RYR2: variants seen among roughly 807,000 people sequenced by gnomAD.
RYR2 encodes the protein cardiac muscle ryanodine receptor-calcium release channel.
RYR2 carries 227 observed loss-of-function variants against 601.1 expected under a neutral mutation model. The ratio of observed to expected loss-of-function variants is 0.38; its 90% CI spans 0.34 to 0.42. RYR2 has a LOEUF of 0.42. Ranked by LOEUF, RYR2 falls within the 10% of genes least tolerant of loss-of-function variation. The pLI, the probability that RYR2 is intolerant of heterozygous loss-of-function variation, is 1.00. For missense variants in RYR2, 4,646 were observed against 6,156.5 expected, an observed-to-expected ratio of 0.75 and a Z score of 8.21; for synonymous variants, 2,223 against 2,175.1, an observed-to-expected ratio of 1.02 and a Z score of -0.61.
chr1:237,157,924 G>T lies in RYR2; in HGVS notation c.49-112573G>T, dbSNP rs539825061. ...ATGCAAAGACATGATAAATGTTTGA[G>T]ATAATGTACATCCCAACTACCCTGA... On this transcript the variant is annotated intron_variant, in intron 1 of 104. Transcript: ENST00000366574. Among the ~76,000 whole-genome samples the T allele has an allele frequency of 1.2e-4, 18 of 152,258 alleles. No homozygotes were observed. In the South Asian group the frequency reaches 2.3e-3, roughly 19 times the overall value.
chr1:237,463,021 T>G (rs1164103865), intron 16 of RYR2, among the ~76,000 whole-genome samples: 1 of 152,178 alleles, frequency 6.6e-6, no homozygotes, highest in African/African-American at 2.4e-5. Flanking sequence ...CTCCAAGAAG[T>G]TTCAATGCAT....
chr1:237,551,302 G>C (rs1471934871), intron 27 of RYR2, among the ~76,000 whole-genome samples: 1 of 152,104 alleles, frequency 6.6e-6, no homozygotes, highest in Admixed American at 6.6e-5. Context: ...GGCTGAGGCA[G>C]GCGGATCACA....
intron 63 of RYR2, among the ~76,000 whole-genome samples, chr1:237,689,146 T>C (rs1401431990): frequency 6.6e-6 from 1 of 152,150 alleles, no homozygotes; most frequent in East Asian, 1.9e-4. Flanking sequence ...TGCACACCTA[T>C]AGTCTTAGCT....
intron 1 of RYR2, among the ~76,000 whole-genome samples, chr1:237,072,057 G>A (rs1558183601): frequency 6.6e-6 from 1 of 152,180 alleles, no homozygotes. Flanking sequence ...GGTGTCCTGG[G>A]CCCCCAAGAG....
At chr1:237,503,997 T>C (rs774413363) in intron 22 of RYR2, among the ~76,000 whole-genome samples, 63 of 152,364 alleles carry the variant, frequency 4.1e-4, no homozygotes, top group Non-Finnish European at 8.5e-4. Context: ...CATTAGCCAC[T>C]GTGCCTGGCC....
chr1:237,654,659 C>T (rs1262177583), intron 52 of RYR2, among the ~76,000 whole-genome samples: 2 of 152,160 alleles, frequency 1.3e-5, no homozygotes, highest in African/African-American at 2.4e-5. Context: ...CTAAGCAGTT[C>T]AGGAAATTAT....
At chr1:237,591,641 C>T (rs1461544097) in intron 31 of RYR2, 98 bp from the exon 32 acceptor site, 9 of 967,014 alleles carry the variant, frequency 9.3e-6, no homozygotes, top group Admixed American at 4.1e-5. Context: ...GGAGCAAAAT[C>T]GCCCAGGTTT....
chr1:237,126,571 C>T (rs1558281097), intron 1 of RYR2, among the ~76,000 whole-genome samples: 1 of 152,100 alleles, frequency 6.6e-6, no homozygotes, highest in Non-Finnish European at 1.5e-5. Flanking sequence ...TCCTTCCTTC[C>T]CTCTTTCTTC....
chr1:237,100,802 T>G lies in RYR2; in HGVS notation c.48+58233T>G, dbSNP rs565909554. 2.0e-5 allele frequency among the ~76,000 whole-genome samples: 3 copies of G among 152,284 alleles called. No individual in the cohort carries two copies. In the East Asian group the frequency reaches 5.8e-4, roughly 29 times the overall value. ...GAGTCAGTCCCCAATTCTGATGTTTTTATACGCAACACTAGGGGTCCTTCT... is the reference window on the plus strand; with the variant it reads ...GAGTCAGTCCCCAATTCTGATGTTTGTATACGCAACACTAGGGGTCCTTCT... On this transcript the variant is annotated intron_variant, in intron 1 of 104. Coordinates refer to ENST00000366574, the MANE Select transcript of RYR2 (RefSeq NM_001035.3).
Position 237,508,782 on chromosome 1 carries a change from G to A in RYR2, c.2718+1968G>A, listed in dbSNP as rs371650114. On this transcript the variant is annotated intron_variant, in intron 23 of 104. Transcript: ENST00000366574. The stretch of plus-strand genomic sequence containing the variant: ...TTTTGAGACGGAGTCTTGCTCTGTC[G>A]CCCAGGCTGGAGTGCAGTGGCGGGA... Among the ~76,000 whole-genome samples, 189 of 110,644 alleles carry A rather than the reference G, an allele frequency of 1.7e-3. 4 individuals are homozygous for A. In the East Asian group the frequency reaches 0.037, roughly 22 times the overall value. 72.6% of individuals were successfully genotyped at this position (110,644 alleles called of 152,430 possible).
chr1:237,396,052 G>A (rs953095288), intron 10 of RYR2, among the ~76,000 whole-genome samples: 1 of 152,206 alleles, frequency 6.6e-6, no homozygotes, highest in East Asian at 1.9e-4. Context: ...GAAAGAAACG[G>A]AGAAAAAATA....
At chr1:237,503,613 G>T in intron 22 of RYR2, 108 bp downstream of exon 22, 3 of 975,658 alleles carry the variant, frequency 3.1e-6, no homozygotes, top group Non-Finnish European at 4.7e-6. Context: ...CAGTAATACA[G>T]TTGTACAGTT....
intron 9 of RYR2, among the ~76,000 whole-genome samples, chr1:237,387,644 A>T (rs554306205): frequency 1.3e-5 from 2 of 152,112 alleles, no homozygotes; most frequent in South Asian, 4.1e-4. Context: ...CTTCCTATGG[A>T]TTGTTTTCTT....
chr1:237,712,043 A>G (rs1178738696), intron 71 of RYR2, among the ~76,000 whole-genome samples: 3 of 152,138 alleles, frequency 2.0e-5, no homozygotes, highest in Non-Finnish European at 4.4e-5. Flanking sequence ...ACGGGAAATG[A>G]CTGTCATGAA....
chr1:237,359,160 C>A (rs1699559874), intron 4 of RYR2, among the ~76,000 whole-genome samples: 1 of 152,148 alleles, frequency 6.6e-6, no homozygotes, highest in South Asian at 2.1e-4. Flanking sequence ...AGCTTAGCCT[C>A]CCTTAAACGG....
At chr1:237,783,601 C>G in intron 89 of RYR2, 74 bp from the exon 90 acceptor site, 3 of 858,172 alleles carry the variant, frequency 3.5e-6, no homozygotes, top group Non-Finnish European at 5.4e-6. Context: ...TATTAAAGAT[C>G]TACATTGTTA....
chr1:237,129,401 A>G (rs926485087), intron 1 of RYR2, among the ~76,000 whole-genome samples: 1 of 152,202 alleles, frequency 6.6e-6, no homozygotes, highest in Admixed American at 6.5e-5. Flanking sequence ...ATGATGAAGA[A>G]TTACTGTCCA....
At chr1:237,776,572 A>G (rs1179456351) in intron 87 of RYR2, among the ~76,000 whole-genome samples, 1 of 152,112 alleles carries the variant, frequency 6.6e-6, no homozygotes, top group Admixed American at 6.6e-5. Context: ...AAGAACTCCC[A>G]TCTGGATGTT....
chr1:237,363,341 G>T (rs575560070), intron 4 of RYR2, among the ~76,000 whole-genome samples: 1 of 151,970 alleles, frequency 6.6e-6, no homozygotes, highest in Admixed American at 6.6e-5. Flanking sequence ...AAGGATGAAA[G>T]CTTCTTTACA....
Sources: allele counts gnomAD v4.1 joint callset (sites outside exome capture counted in the v4.1 genomes callset), GRCh38; gene constraint gnomAD v4.1.1; transcripts MANE v1.5; gene names NCBI Gene and HGNC (gene_info 2026-07-23, HGNC 2026-07-21).